The following HERPUD2 variants were observed in gnomAD, a reference collection of about 807,000 sequenced individuals.
HERPUD2 encodes the protein homocysteine-responsive endoplasmic reticulum-resident ubiquitin-like domain member 2 protein.
HERPUD2 carries 13 observed loss-of-function variants against 49.9 expected under a neutral mutation model. The ratio of observed to expected loss-of-function variants is 0.26; its 90% confidence interval spans 0.17 to 0.41. The LOEUF (loss-of-function observed/expected upper bound fraction) is 0.41, where lower values mean the gene tolerates loss of function less well. Ranked by LOEUF, HERPUD2 falls within the 10% of genes least tolerant of loss-of-function variation. HERPUD2 has a pLI of 1.00. For synonymous variants in HERPUD2, 172 were observed against 171.4 expected (o/e 1.00, Z -0.03); for missense variants, 449 against 492.2 (o/e 0.91, Z 0.83).
intron 3 of HERPUD2, among the ~76,000 whole-genome samples, chr7:35,672,761 A>G (rs1215153354): frequency 6.6e-6 from 1 of 152,108 alleles, no homozygotes; most frequent in African/African-American, 2.4e-5. Context: ...CAGCACCCAC[A>G]AAGTTTGCTA....
At chr7:35,640,224 C>T (rs1319012190) in intron 5 of HERPUD2, among the ~76,000 whole-genome samples, 2 of 152,198 alleles carry the variant, frequency 1.3e-5, no homozygotes, top group Non-Finnish European at 2.9e-5. Context: ...AGTATTACAG[C>T]AATATGCTGT....
chr7:35,634,172 C>G (rs1784832602), intron 8 of HERPUD2, 140 bp downstream of exon 8: 1 of 622,146 alleles, frequency 1.6e-6, no homozygotes, highest in African/African-American at 1.8e-5. Flanking sequence ...ATGAAACCAC[C>G]ACAATTTATA....
intron 5 of HERPUD2, among the ~76,000 whole-genome samples, chr7:35,643,605 T>C (rs1785002280): frequency 6.6e-6 from 1 of 151,852 alleles, no homozygotes; most frequent in Admixed American, 6.6e-5. Context: ...TATACATATA[T>C]GTGTGTACAC....
At chr7:35,662,475 T>C (rs1206940546) in intron 5 of HERPUD2, among the ~76,000 whole-genome samples, 2 of 152,228 alleles carry the variant, frequency 1.3e-5, no homozygotes, top group Non-Finnish European at 1.5e-5. Context: ...GTACCTCTGG[T>C]AGAATTCAGC....
chr7:35,693,797 C>G (rs1786247303), intron 2 of HERPUD2, among the ~76,000 whole-genome samples: 1 of 152,030 alleles, frequency 6.6e-6, no homozygotes, highest in South Asian at 2.1e-4. Context: ...GCCACCACGC[C>G]CAGCTAATTT....
At chr7:35,686,482 G>C (rs1242125101) in intron 2 of HERPUD2, among the ~76,000 whole-genome samples, 1 of 104,552 alleles carries the variant, frequency 9.6e-6, no homozygotes. Context: ...CGCAGCGCCC[G>C]GCCTAACATT....
chr7:35,664,266 G>T (rs768774679), intron 5 of HERPUD2, among the ~76,000 whole-genome samples: 4 of 152,202 alleles, frequency 2.6e-5, no homozygotes, highest in Non-Finnish European at 5.9e-5. Context: ...TCAGCTATTA[G>T]TCTGATGGGT....
At chr7:35,673,374 C>CT in intron 2 of HERPUD2, 96 bp from the exon 3 acceptor site, 1 of 878,630 alleles carries the variant, frequency 1.1e-6, no homozygotes, top group South Asian at 1.6e-5. Flanking sequence ...ATAAAACTCC[C>CT]TTTAGGCACA....
At chr7:35,677,499 T>C (rs1181854631) in intron 2 of HERPUD2, among the ~76,000 whole-genome samples, 2 of 152,178 alleles carry the variant, frequency 1.3e-5, no homozygotes, top group Admixed American at 6.5e-5. Context: ...AAAGGTAATC[T>C]TGATGGTGTA....
rs1784801009 is a variant in HERPUD2 at position 35,632,832 on chromosome 7, A to G, written c.*858T>C. On this transcript the variant is annotated 3_prime_UTR_variant, in exon 9 of 9. Coordinates refer to ENST00000311350, the MANE Select transcript of HERPUD2 (RefSeq NM_022373.5). ...TTGATGGGATACATGCCCTTAATACAGAAAGTTTCCATTATTTATTCAAAT... is the reference window on the plus strand; with the variant it reads ...TTGATGGGATACATGCCCTTAATACGGAAAGTTTCCATTATTTATTCAAAT... 1 of 152,714 alleles carries G rather than the reference A, an allele frequency of 6.5e-6. No homozygotes were observed. The highest frequency in any genetic ancestry group is 2.4e-5 in the African/African-American group (1 of 41,560). The allele number at this position is 152,714 out of a possible 1,614,324, so 9.5% of individuals were successfully genotyped here.
intron 2 of HERPUD2, among the ~76,000 whole-genome samples, chr7:35,682,964 T>C (rs7799854): frequency 0.19 from 28,828 of 151,544 alleles, 3,252 homozygotes; most frequent in African/African-American, 0.31. Context: ...CATGGATGAG[T>C]AGAATCAATA....
intron 5 of HERPUD2, among the ~76,000 whole-genome samples, chr7:35,640,102 G>A (rs766266574): frequency 1.3e-5 from 2 of 152,182 alleles, no homozygotes; most frequent in Non-Finnish European, 2.9e-5. Flanking sequence ...TGGAGAGAAA[G>A]CCATACCACT....
chr7:35,646,741 A>T (rs1432428926), intron 5 of HERPUD2, among the ~76,000 whole-genome samples: 2 of 152,210 alleles, frequency 1.3e-5, no homozygotes, highest in African/African-American at 4.8e-5. Context: ...TGCAAGGAAA[A>T]CTGAGTAAGA....
At chr7:35,639,837 C>T (rs1421477549) in intron 5 of HERPUD2, among the ~76,000 whole-genome samples, 1 of 152,168 alleles carries the variant, frequency 6.6e-6, no homozygotes, top group Admixed American at 6.5e-5. Flanking sequence ...AAGGCATCAC[C>T]TTCCCCACAT....
chr7:35,675,902 G>T (rs938010684), intron 2 of HERPUD2, among the ~76,000 whole-genome samples: 15 of 152,154 alleles, frequency 9.9e-5, no homozygotes, highest in African/African-American at 3.6e-4. Flanking sequence ...AGCCTCTGGA[G>T]TAGCTGGGAC....
chr7:35,682,521 C>T (rs1785937146), intron 2 of HERPUD2, among the ~76,000 whole-genome samples: 1 of 151,386 alleles, frequency 6.6e-6, no homozygotes, highest in African/African-American at 2.4e-5. Flanking sequence ...AGGATGTCCA[C>T]TCTCACCACT....
intron 5 of HERPUD2, among the ~76,000 whole-genome samples, chr7:35,645,975 A>G (rs1167590955): frequency 6.6e-6 from 1 of 152,198 alleles, no homozygotes; most frequent in Non-Finnish European, 1.5e-5. Context: ...AATAATTTTA[A>G]AAATAAATTG....
At chr7:35,680,553 C>G (rs1785860345) in intron 2 of HERPUD2, among the ~76,000 whole-genome samples, 1 of 152,174 alleles carries the variant, frequency 6.6e-6, no homozygotes, top group South Asian at 2.1e-4. Flanking sequence ...TCCAAACTCC[C>G]CGACAGTATT....
chr7:35,633,963 T>C (rs1162178857), intron 8 of HERPUD2, 112 bp from the exon 9 acceptor site: 5 of 1,130,772 alleles, frequency 4.4e-6, no homozygotes, highest in East Asian at 4.9e-5. Flanking sequence ...GGTATGTATG[T>C]GGTCATTAGA....
Sources: allele counts gnomAD v4.1 joint callset (sites outside exome capture counted in the v4.1 genomes callset), GRCh38; gene constraint gnomAD v4.1.1; transcripts MANE v1.5; gene names NCBI Gene and HGNC (gene_info 2026-07-23, HGNC 2026-07-21).